NUP205: variants seen among roughly 807,000 people sequenced by gnomAD.
The protein encoded by NUP205 is nucleoporin 205.
NUP205 carries 76 observed loss-of-function variants against 253.8 expected under a neutral mutation model. That is an observed-to-expected ratio of 0.30 (90% CI 0.25 to 0.36). The LOEUF is 0.36. Ranked by LOEUF, NUP205 falls within the 10% of genes least tolerant of loss-of-function variation. NUP205 has a pLI of 1.00. For synonymous variants in NUP205, 832 were observed against 850.1 expected (o/e 0.98, Z 0.37); for missense variants, 2,162 against 2,425.5 (o/e 0.89, Z 2.28).
At chr7:135,564,731 G>C (rs368836651) in intron 1 of NUP205, among the ~76,000 whole-genome samples, 38 of 151,846 alleles carry the variant, frequency 2.5e-4, no homozygotes, top group African/African-American at 8.7e-4. Context: ...GACGAACTAA[G>C]TAGGCCAGTG....
chr7:135,558,075 T>C, intron 1 of NUP205, 103 bp downstream of exon 1: 1 of 956,424 alleles, frequency 1.0e-6, no homozygotes, highest in Non-Finnish European at 1.7e-6. Flanking sequence ...CCCACTTATG[T>C]GCGGTGCCTG....
chr7:135,587,831 A>G (rs764302514), intron 9 of NUP205, 24 bp from the exon 10 acceptor site: 5 of 1,595,276 alleles, frequency 3.1e-6, no homozygotes, highest in East Asian at 4.5e-5. Context: ...ACATTTCCCT[A>G]CAGTCTTTGC....
At position 135,575,896 on chromosome 7, in the gene NUP205, A is replaced by G. The variant is rs117347008; in HGVS notation, c.344-374A>G. Among the ~76,000 whole-genome samples, 27 of 152,366 alleles carry G rather than the reference A, an allele frequency of 1.8e-4. No homozygotes were observed. The East Asian group carries it at 5.0e-3, about 28-fold the overall frequency. ...GAAGATTCCGAGGGAAGAAACTTAG[A>G]AATATTTGAAAGATTCCATATGAGA... On this transcript the variant is annotated intron_variant, in intron 3 of 42. Transcript: ENST00000285968.
intron 38 of NUP205, among the ~76,000 whole-genome samples, chr7:135,639,896 AT>A (rs1335815123): frequency 3.9e-5 from 6 of 152,224 alleles, no homozygotes; most frequent in Non-Finnish European, 7.3e-5. Context: ...GAATGAGTTC[AT>A]GTCCTTTGCA....
intron 40 of NUP205, 140 bp downstream of exon 40, chr7:135,645,158 C>T (rs1794983320): frequency 1.0e-6 from 1 of 957,858 alleles, no homozygotes; most frequent in Non-Finnish European, 1.6e-6. Context: ...TAATGTATTT[C>T]CAAATCATAG....
chr7:135,643,270 A>G lies in NUP205; in HGVS notation c.5471A>G (p.Asn1824Ser). The G allele has an allele frequency of 6.2e-7, 1 of 1,614,148 alleles. No individual in the cohort carries two copies. Among genetic ancestry groups the G allele is most frequent in the Non-Finnish European group, 8.5e-7 (1 of 1,179,996 alleles). ...ATCTACCTGCTGAAACAGAGTGCTA[A>G]TGATTTCTTCAGCTATTATGACAGT... is the stretch of plus-strand genomic sequence containing the variant. ...IIIYLLKQSA[N>S]DFFSYYDSHR... Residue 1824 changes from asparagine to serine, a missense_variant, in exon 39 of 43, where the codon AAT (asparagine) becomes AGT (serine). Physicochemically the swap from Asn to Ser is conservative, Grantham distance 46. Transcript: ENST00000285968.
At chr7:135,639,982 C>T (rs529054148) in intron 38 of NUP205, among the ~76,000 whole-genome samples, 2 of 152,300 alleles carry the variant, frequency 1.3e-5, no homozygotes, top group African/African-American at 4.8e-5. Context: ...ACCACATGTT[C>T]TCACTCATAA....
At chr7:135,577,293 CTG>C (rs1806178321) in intron 5 of NUP205, among the ~76,000 whole-genome samples, 165 bp downstream of exon 5, 3 of 151,956 alleles carry the variant, frequency 2.0e-5, no homozygotes, top group Non-Finnish European at 4.4e-5. Flanking sequence ...TGACACAAAA[CTG>C]TACATATGTA....
At chr7:135,561,937 T>TTCCC (rs897798107) in intron 1 of NUP205, among the ~76,000 whole-genome samples, 7 of 151,726 alleles carry the variant, frequency 4.6e-5, no homozygotes, top group Non-Finnish European at 7.4e-5. Flanking sequence ...CCTTCCTTCC[T>TTCCC]TCCCTCCCTC....
At chr7:135,567,499 A>C (rs1365931289) in intron 1 of NUP205, among the ~76,000 whole-genome samples, 3 of 150,310 alleles carry the variant, frequency 2.0e-5, no homozygotes, top group Non-Finnish European at 2.9e-5. Context: ...AGTCCCAGCT[A>C]TTCAGGAGGC....
chr7:135,616,696 G>C lies in NUP205; in HGVS notation c.3502G>C (p.Gly1168Arg). 6.4e-7 allele frequency: 1 copy of C among 1,570,722 alleles called. No individual in the cohort carries two copies. Among genetic ancestry groups the C allele is most frequent in the Non-Finnish European group, 8.6e-7 (1 of 1,163,090 alleles). ...AGAAGATGAAAACAGGTCTGTTTCT[G>C]GGTTCCTTCACTTTGACACTGCTAC... ...GIEDENRSVS[G>R]FLHFDTATKV... The change falls in exon 25 of 43, where the codon GGG (glycine) becomes CGG (arginine). Residue 1168 changes from glycine (G) to arginine (R), a missense_variant. This residue lies in a region of NUP205 where 1,144 missense variants were observed against 1,280.9 expected (regional missense o/e 0.89). Transcript: ENST00000285968.
chr7:135,559,347 T>C (rs1407020351), intron 1 of NUP205, among the ~76,000 whole-genome samples: 1 of 152,174 alleles, frequency 6.6e-6, no homozygotes, highest in Non-Finnish European at 1.5e-5. Flanking sequence ...ATAATACATT[T>C]CTCTATTTTA....
chr7:135,606,526 C>A (rs745501312), intron 20 of NUP205, among the ~76,000 whole-genome samples: 5 of 152,138 alleles, frequency 3.3e-5, no homozygotes, highest in Admixed American at 6.5e-5. Context: ...AATCTGAAAT[C>A]TGAAGCACTT....
chr7:135,603,662 A>G (rs1463549359), intron 18 of NUP205, among the ~76,000 whole-genome samples: 1 of 151,744 alleles, frequency 6.6e-6, no homozygotes, highest in Non-Finnish European at 1.5e-5. Context: ...GATGTGCACC[A>G]CCACACCCAG....
intron 34 of NUP205, among the ~76,000 whole-genome samples, chr7:135,628,472 A>G (rs753552025): frequency 6.6e-6 from 1 of 152,212 alleles, no homozygotes; most frequent in South Asian, 2.1e-4. Context: ...CAGGCTGGGC[A>G]TGGTGGCTCA....
rs777011911 is a variant in NUP205 at position 135,578,062 on chromosome 7, C to G, written c.877+38C>G. ...ATACATTTTCCTACATTAAAAAAAT[C>G]AGATTTAAAATTGTGGGGATAACAT... On this transcript the variant is annotated intron_variant, in intron 6 of 42. Coordinates refer to ENST00000285968, the MANE Select transcript of NUP205 (RefSeq NM_015135.3). 10 of 1,442,752 alleles carry G rather than the reference C, an allele frequency of 6.9e-6. No homozygotes were observed. The Admixed American group carries it at 8.5e-5, about 12-fold the overall frequency. 89.4% of individuals were successfully genotyped at this position (1,442,752 alleles called of 1,614,324 possible).
At position 135,617,229 on chromosome 7, in the gene NUP205, G is replaced by A; in HGVS notation, c.3672G>A (p.Gln1224=). ...GTGAACACAAGAATTTACGGGGACA[G>A]ACAGTCTGCAATGTCAAGGTGAGGA... ...ANCEHKNLRG[Q]TVCNVKLLHR... The change falls in exon 26 of 43, where the codon CAG becomes CAA. Residue 1224 remains glutamine, a synonymous_variant. Coordinates refer to ENST00000285968, the MANE Select transcript of NUP205 (RefSeq NM_015135.3). 6.2e-7 allele frequency: 1 copy of A among 1,613,794 alleles called. No homozygotes were observed. The highest frequency in any genetic ancestry group is 8.5e-7 in the Non-Finnish European group (1 of 1,179,816).
intron 23 of NUP205, among the ~76,000 whole-genome samples, chr7:135,615,084 C>G (rs555889266): frequency 1.3e-5 from 2 of 152,080 alleles, no homozygotes; most frequent in Non-Finnish European, 2.9e-5. Context: ...TTTAGAAACC[C>G]TCTTTACACC....
At position 135,591,550 on chromosome 7, in the gene NUP205, A is replaced by C; in HGVS notation, c.1574A>C (p.Gln525Pro). The C allele has an allele frequency of 6.2e-7, 1 of 1,613,872 alleles. No individual in the cohort carries two copies. The highest frequency in any genetic ancestry group is 8.5e-7 in the Non-Finnish European group (1 of 1,179,768). The change falls in exon 11 of 43, where the codon CAG becomes CCG. Residue 525 changes from glutamine to proline, a missense_variant. Transcript: ENST00000285968. ...CTCCAGGGATTGGCCAATGGGCCTC[A>C]GTGTGCCCACTACTGTTTCAGCCTG... is the stretch of plus-strand genomic sequence containing the variant. The part of the protein sequence containing the change: ...KMLQGLANGP[Q>P]CAHYCFSLLK...
Sources: allele counts gnomAD v4.1 joint callset (sites outside exome capture counted in the v4.1 genomes callset), GRCh38; gene constraint gnomAD v4.1.1; regional missense constraint gnomAD v4.1.1; transcripts MANE v1.5; gene names NCBI Gene and HGNC (gene_info 2026-07-23, HGNC 2026-07-21).